The following AGAP5 variants were observed in gnomAD, a reference collection of about 807,000 sequenced individuals.
The protein encoded by AGAP5 is arf-GAP with GTPase, ANK repeat and PH domain-containing protein 5.
In AGAP5, 8 loss-of-function variants were observed where a neutral mutation model predicts 27.7. That is an observed-to-expected ratio of 0.29 (90% CI 0.17 to 0.52). The LOEUF (loss-of-function observed/expected upper bound fraction) is 0.52, where lower values mean the gene tolerates loss of function less well. AGAP5 is among the 20% of genes least tolerant of loss of function. The pLI is 0.97. For missense variants in AGAP5, 285 were observed against 880.8 expected (o/e 0.32, Z 8.56); for synonymous variants, 111 against 338.0 (o/e 0.33, Z 7.37).
At position 73,676,728 on chromosome 10, in the gene AGAP5, G is replaced by A; in HGVS notation, c.576C>T (p.His192=). 1 of 1,107,804 alleles carries A rather than the reference G, an allele frequency of 9.0e-7. No homozygotes were observed. The highest frequency in any genetic ancestry group is 1.3e-5 in the South Asian group (1 of 77,478). 68.6% of individuals were successfully genotyped at this position (1,107,804 alleles called of 1,614,324 possible). Residue 192 remains histidine, a synonymous_variant, in exon 7 of 8, where the codon CAC becomes CAT. Coordinates refer to ENST00000374094, the MANE Select transcript of AGAP5 (RefSeq NM_001144000.4). The part of the protein sequence containing the change: ...RSLSIPDEQL[H]SFAVSTVHIT... ...TAAAAGTGCCACTTACCGCAAATGA[G>A]TGTAACTGTTCATCAGGTATGCTCA...
rs550870156 is a variant in AGAP5 at position 73,675,998 on chromosome 10, G to A, written c.662C>T (p.Thr221Ile). ...AGGGTCCTCCTGGCTGGTGCTGGGA[G>A]TCGATGGAATGGAGGAGGAATAGTT... The part of the protein sequence containing the change: ...LNNYSSSIPS[T>I]PSTSQEDPQF... Residue 221 changes from threonine to isoleucine, a missense_variant, in exon 8 of 8, where the codon ACT (threonine) becomes ATT (isoleucine). Coordinates refer to ENST00000374094, the MANE Select transcript of AGAP5 (RefSeq NM_001144000.4). The A allele has an allele frequency of 6.2e-7, 1 of 1,611,632 alleles. No individual in the cohort carries two copies. The highest frequency in any genetic ancestry group is 1.7e-5 in the Admixed American group (1 of 59,782).
rs749656154 is a variant in AGAP5 at position 73,674,712 on chromosome 10, C to T, written c.1948G>A (p.Val650Ile). 13 of 1,612,048 alleles carry T rather than the reference C, an allele frequency of 8.1e-6. No homozygotes were observed. Among genetic ancestry groups the T allele is most frequent in the South Asian group, 4.4e-5 (4 of 90,986 alleles). ...AQLLIWYGVD[V>I]MARDAHGNTA... ...TTCCCGTGGGCATCTCGGGCCATGA[C>T]GTCCACCCCGTACCAGATCAGGAGC... Residue 650 changes from valine to isoleucine, a missense_variant, in exon 8 of 8, where the codon GTC becomes ATC. Physicochemically the swap from Val to Ile is conservative, Grantham distance 29. Transcript: ENST00000374094.
chr10:73,692,450 T>C (rs1363060984), intron 3 of AGAP5, among the ~76,000 whole-genome samples: 2 of 152,132 alleles, frequency 1.3e-5, no homozygotes, highest in Non-Finnish European at 2.9e-5. Flanking sequence ...CTTACTTTAA[T>C]TATCAGACTC....
Position 73,697,915 on chromosome 10 carries a change from C to A in AGAP5, c.-160G>T. Reference sequence around the variant, plus strand: ...GCGGCCCCGGGCACCATCCCTGGCCCCGGCCCCGGCCCCGGCTAGGGCTGC... The same window carrying A: ...GCGGCCCCGGGCACCATCCCTGGCCACGGCCCCGGCCCCGGCTAGGGCTGC... On this transcript the variant is annotated 5_prime_UTR_variant, in exon 1 of 8. Coordinates refer to ENST00000374094, the MANE Select transcript of AGAP5 (RefSeq NM_001144000.4). 6.5e-7 allele frequency: 1 copy of A among 1,529,668 alleles called. No individual in the cohort carries two copies. Among genetic ancestry groups the A allele is most frequent in the South Asian group, 1.2e-5 (1 of 83,526 alleles). 94.8% of individuals were successfully genotyped at this position (1,529,668 alleles called of 1,614,324 possible).
intron 6 of AGAP5, among the ~76,000 whole-genome samples, chr10:73,677,665 C>G (rs548327163): frequency 3.9e-5 from 6 of 152,182 alleles, no homozygotes; most frequent in African/African-American, 1.4e-4. Flanking sequence ...GATTACAGGC[C>G]TGAGCTACTG....
chr10:73,692,633 ATTTTTTTTTTTT>A (rs71021562), intron 3 of AGAP5, among the ~76,000 whole-genome samples: 12 of 77,018 alleles, frequency 1.6e-4, no homozygotes, highest in African/African-American at 5.7e-4. Context: ...CCTATCTTAA[ATTTTTTTTTTTT>A]TTTTTTTTTT....
chr10:73,696,806 C>G (rs1465211235), intron 2 of AGAP5, among the ~76,000 whole-genome samples: 2 of 152,128 alleles, frequency 1.3e-5, no homozygotes, highest in Non-Finnish European at 2.9e-5. Context: ...TTAAGAATAC[C>G]ATATAGCCTC....
intron 4 of AGAP5, among the ~76,000 whole-genome samples, chr10:73,690,605 TTAA>T (rs1423557858): frequency 3.8e-4 from 31 of 80,564 alleles, no homozygotes; most frequent in Non-Finnish European, 4.4e-4. Flanking sequence ...GAATGATCAA[TTAA>T]AAAAAAAAAA....
At chr10:73,679,375 A>T (rs3878037) in intron 6 of AGAP5, among the ~76,000 whole-genome samples, 1 of 151,080 alleles carries the variant, frequency 6.6e-6, no homozygotes, top group South Asian at 2.1e-4. Flanking sequence ...TGTTAGCCAG[A>T]ATGGTCTCGA....
intron 6 of AGAP5, among the ~76,000 whole-genome samples, chr10:73,678,245 A>G (rs532268928): frequency 6.6e-6 from 1 of 152,226 alleles, no homozygotes; most frequent in Admixed American, 6.5e-5. Flanking sequence ...CATATAAGAA[A>G]ATTAGCCTGG....
At position 73,692,087 on chromosome 10, in the gene AGAP5, A is replaced by C. The variant is rs755197862; in HGVS notation, c.362-10T>G. ...CTTCTTATTTCTACAACTAAGAATA[A>C]AAAAAAAAACTGGTCACTTCTGATA... On this transcript the variant is annotated splice_polypyrimidine_tract_variant and intron_variant, in intron 3 of 7. Transcript: ENST00000374094. The C allele has an allele frequency of 3.2e-5, 49 of 1,536,856 alleles. No individual in the cohort carries two copies. The highest frequency in any genetic ancestry group is 4.1e-5 in the Non-Finnish European group (47 of 1,143,026).
Position 73,697,783 on chromosome 10 carries a change from T to C in AGAP5, c.-28A>G. The stretch of plus-strand genomic sequence containing the variant: ...GGCGCCTCTACTGTCTGCCACCACC[T>C]GTGCCTCTGCTCACAGCTTTGGCCA... On this transcript the variant is annotated 5_prime_UTR_variant, in exon 1 of 8. Transcript: ENST00000374094. The C allele has an allele frequency of 6.3e-7, 1 of 1,596,944 alleles. No individual in the cohort carries two copies. Among genetic ancestry groups the C allele is most frequent in the Non-Finnish European group, 8.5e-7 (1 of 1,179,396 alleles).
chr10:73,676,671 G>C (rs1225979405), intron 7 of AGAP5, 48 bp downstream of exon 7: 1 of 962,432 alleles, frequency 1.0e-6, no homozygotes, highest in Admixed American at 2.0e-5. Context: ...GCATGAAACA[G>C]ATACAAGTGT....
chr10:73,697,670 G>T lies in AGAP5; in HGVS notation c.86C>A (p.Ser29Tyr). Reference protein sequence around the residue: ...QQQGSVCPSESEIYEAGAGDR... With the variant: ...QQQGSVCPSEYEIYEAGAGDR... The stretch of plus-strand genomic sequence containing the variant: ...CCCAGCTCCTGCCTCATAGATCTCA[G>T]ATTCAGAGGGACACACCGACCCCTG... Residue 29 changes from serine to tyrosine, a missense_variant, in exon 1 of 8, where the codon TCT (serine) becomes TAT (tyrosine). Ser to Tyr is a moderately radical substitution (Grantham distance 144). Transcript: ENST00000374094. 6.2e-7 allele frequency: 1 copy of T among 1,600,232 alleles called. No homozygotes were observed. The highest frequency in any genetic ancestry group is 8.5e-7 in the Non-Finnish European group (1 of 1,179,814).
In AGAP5 at chr10:73,697,223, C is replaced by A. The variant is rs1016938632; in HGVS notation, c.224-60G>T. 37 of 1,584,638 alleles carry A rather than the reference C, an allele frequency of 2.3e-5. No individual in the cohort carries two copies. In the African/African-American group the frequency reaches 4.3e-4, roughly 18 times the overall value. On this transcript the variant is annotated intron_variant, in intron 1 of 7. Coordinates refer to ENST00000374094, the MANE Select transcript of AGAP5 (RefSeq NM_001144000.4). Reference sequence around the variant, plus strand: ...AATCATTTATAAAAATTTATCAACTCATTTATTCAACTGCTGCTTATTTGA... The same window carrying A: ...AATCATTTATAAAAATTTATCAACTAATTTATTCAACTGCTGCTTATTTGA...
chr10:73,686,890 T>C (rs1262480143), intron 4 of AGAP5, among the ~76,000 whole-genome samples: 1 of 152,142 alleles, frequency 6.6e-6, no homozygotes, highest in Non-Finnish European at 1.5e-5. Context: ...GAAAACCAAA[T>C]ATCATGTTCT....
chr10:73,676,425 G>A (rs1463124176), intron 7 of AGAP5, among the ~76,000 whole-genome samples: 8 of 142,850 alleles, frequency 5.6e-5, no homozygotes, highest in Admixed American at 1.4e-4. Flanking sequence ...GGCAGAGCCT[G>A]CAGTGAGCCA....
At chr10:73,678,052 G>A (rs2081994657) in intron 6 of AGAP5, among the ~76,000 whole-genome samples, 1 of 151,784 alleles carries the variant, frequency 6.6e-6, no homozygotes, top group Non-Finnish European at 1.5e-5. Context: ...ATTTAACTGT[G>A]AACTGAAAAA....
In AGAP5 at chr10:73,679,216, G is replaced by A. The variant is rs149352579; in HGVS notation, c.533+855C>T. On this transcript the variant is annotated intron_variant, in intron 6 of 7. Coordinates refer to ENST00000374094, the MANE Select transcript of AGAP5 (RefSeq NM_001144000.4). ...CTTGCTCTGTCACCCAGGCTGCAGT[G>A]CAATGGCACAATCTCAGCTCTCTGC... 5.2e-3 allele frequency among the ~76,000 whole-genome samples: 787 copies of A among 151,920 alleles called. 9 individuals carry two copies. The highest frequency in any genetic ancestry group is 0.018 in the African/African-American group (737 of 41,402).
Sources: gnomAD v4.1 joint callset for allele counts (sites outside exome capture counted in the v4.1 genomes callset) on GRCh38, gnomAD v4.1.1 for gene constraint, MANE v1.5 for transcripts, NCBI Gene and HGNC (gene_info 2026-07-23, HGNC 2026-07-21) for gene names.